NBEA: variants seen among roughly 807,000 people sequenced by gnomAD.
The protein encoded by NBEA is neurobeachin.
NBEA carries 44 observed loss-of-function variants against 343.4 expected under a neutral mutation model. The observed-to-expected ratio is 0.13, with a 90% confidence interval of 0.10 to 0.16. NBEA has a LOEUF of 0.16. NBEA is among the 10% of genes least tolerant of loss of function. NBEA has a pLI of 1.00. For missense variants in NBEA, 2,555 were observed against 3,631.3 expected (o/e 0.70, Z 7.62); for synonymous variants, 1,175 against 1,238.7 (o/e 0.95, Z 1.08).
At chr13:35,191,316 G>C (rs917443086) in intron 30 of NBEA, among the ~76,000 whole-genome samples, 2 of 152,034 alleles carry the variant, frequency 1.3e-5, no homozygotes, top group Admixed American at 6.6e-5. Context: ...ACTCCAAGTA[G>C]GATAAACTCA....
At chr13:35,348,666 G>T (rs914647065) in intron 36 of NBEA, among the ~76,000 whole-genome samples, 4 of 151,460 alleles carry the variant, frequency 2.6e-5, no homozygotes, top group Admixed American at 2.0e-4. Context: ...AATTTAACTG[G>T]GCATCCTATA....
Position 35,581,163 on chromosome 13 carries a change from T to G in NBEA, c.7036-2735T>G, listed in dbSNP as rs151218821. On this transcript the variant is annotated intron_variant, in intron 45 of 58. Transcript: ENST00000379939. ...GTAATGGGATGGCTGGGTCAAATGG[T>G]ATTTCCAGTTCTAGATCCTTGAGGA... 1.8e-4 allele frequency among the ~76,000 whole-genome samples: 28 copies of G among 152,254 alleles called. No individual in the cohort carries two copies. The East Asian group carries it at 5.2e-3, about 28-fold the overall frequency.
chr13:35,240,538 A>G (rs978778294), intron 34 of NBEA, among the ~76,000 whole-genome samples: 12 of 151,964 alleles, frequency 7.9e-5, no homozygotes, highest in Non-Finnish European at 1.8e-4. Context: ...TACCATGGGA[A>G]CTCAATAATC....
At chr13:35,134,090 A>G (rs946700758) in intron 17 of NBEA, among the ~76,000 whole-genome samples, 4 of 152,058 alleles carry the variant, frequency 2.6e-5, no homozygotes, top group African/African-American at 9.6e-5. Context: ...GTATTTTGAA[A>G]GGAATAATTT....
chr13:35,593,282 G>T (rs1203057500), intron 46 of NBEA, 46 bp from the exon 47 acceptor site: 2 of 1,601,204 alleles, frequency 1.2e-6, no homozygotes, highest in Admixed American at 3.4e-5. Context: ...AACGAGGGCA[G>T]CTGTGTTTAG....
intron 1 of NBEA, among the ~76,000 whole-genome samples, chr13:34,945,430 G>C (rs2059157774): frequency 1.3e-5 from 2 of 152,106 alleles, no homozygotes; most frequent in African/African-American, 4.8e-5. Flanking sequence ...TCAAAAATAT[G>C]TGGAAGTCAT....
chr13:35,008,403 G>C (rs916438723), intron 1 of NBEA, among the ~76,000 whole-genome samples: 1 of 151,984 alleles, frequency 6.6e-6, no homozygotes, highest in African/African-American at 2.4e-5. Context: ...ATAATCTCTA[G>C]ATTACTTATA....
At chr13:35,347,678 T>G in intron 36 of NBEA, among the ~76,000 whole-genome samples, 1 of 151,984 alleles carries the variant, frequency 6.6e-6, no homozygotes, top group Non-Finnish European at 1.5e-5. Flanking sequence ...CTCCTCTTCC[T>G]CCTCCTCCTC....
intron 34 of NBEA, among the ~76,000 whole-genome samples, chr13:35,259,736 T>C (rs1180007235): frequency 1.3e-5 from 2 of 152,154 alleles, no homozygotes; most frequent in Non-Finnish European, 2.9e-5. Flanking sequence ...TTTACAAATA[T>C]AGTTAAATGA....
chr13:35,637,782 A>G (rs778441086), intron 49 of NBEA, among the ~76,000 whole-genome samples: 3 of 152,098 alleles, frequency 2.0e-5, no homozygotes, highest in Admixed American at 6.6e-5. Context: ...AGATTGCGCC[A>G]CTGCACTCCA....
intron 41 of NBEA, among the ~76,000 whole-genome samples, chr13:35,544,433 ATCTGTGATTTGACAGTCATTTACATGTT>A (rs1475771122): frequency 6.6e-6 from 1 of 152,218 alleles, no homozygotes; most frequent in Non-Finnish European, 1.5e-5. Context: ...AACTTTTTTC[ATCTGTGATTTGACAGTCATTTACATGTT>A]TCTGACAACA....
In NBEA at chr13:35,171,301, A is replaced by G. The variant is rs538551434; in HGVS notation, c.4272A>G (p.Gln1424=). ...KTELENIEVT[Q]GMSAETAVTF... ...AATTGGAAAATATTGAAGTGACACAAGGCATGTCAGCTGAGACAGCAGTAA... is the reference window on the plus strand; with the variant it reads ...AATTGGAAAATATTGAAGTGACACAGGGCATGTCAGCTGAGACAGCAGTAA... Residue 1424 remains glutamine, a synonymous_variant, in exon 26 of 59, where the codon CAA becomes CAG. Coordinates refer to ENST00000379939, the MANE Select transcript of NBEA (RefSeq NM_001385012.1). 1 of 1,612,118 alleles carries G rather than the reference A, an allele frequency of 6.2e-7. No individual in the cohort carries two copies. The highest frequency in any genetic ancestry group is 1.1e-5 in the South Asian group (1 of 90,932).
chr13:35,179,508 A>C (rs1209883258), intron 28 of NBEA, among the ~76,000 whole-genome samples: 2 of 151,516 alleles, frequency 1.3e-5, no homozygotes, highest in African/African-American at 4.8e-5. Context: ...AATAAGAAGC[A>C]CAACTGACTA....
intron 39 of NBEA, among the ~76,000 whole-genome samples, chr13:35,436,294 T>C (rs890310650): frequency 2.0e-5 from 3 of 152,154 alleles, no homozygotes; most frequent in African/African-American, 7.2e-5. Flanking sequence ...TAGATGTAGA[T>C]TAAGAGTATA....
chr13:35,111,758 G>A (rs1283572804), intron 13 of NBEA, among the ~76,000 whole-genome samples: 2 of 151,656 alleles, frequency 1.3e-5, no homozygotes, highest in Non-Finnish European at 2.9e-5. Context: ...CTGAGAAAGG[G>A]GCTAATGACA....
intron 36 of NBEA, among the ~76,000 whole-genome samples, chr13:35,336,192 C>T (rs1478496005): frequency 6.6e-6 from 1 of 151,922 alleles, no homozygotes; most frequent in Non-Finnish European, 1.5e-5. Flanking sequence ...ATAATGAAAA[C>T]ACCAACAAAT....
At chr13:35,118,312 T>G in intron 15 of NBEA, 22 bp downstream of exon 15, 1 of 1,561,944 alleles carries the variant, frequency 6.4e-7, no homozygotes, top group Non-Finnish European at 8.7e-7. Flanking sequence ...TATGGGCCTT[T>G]TATTTTAATT....
At chr13:35,311,103 G>A (rs1371817512) in intron 36 of NBEA, among the ~76,000 whole-genome samples, 1 of 152,046 alleles carries the variant, frequency 6.6e-6, no homozygotes, top group Non-Finnish European at 1.5e-5. Context: ...GAAAATATCA[G>A]TTTTCTTTTA....
At chr13:35,349,924 A>G (rs2040094135) in intron 37 of NBEA, among the ~76,000 whole-genome samples, 1 of 152,122 alleles carries the variant, frequency 6.6e-6, no homozygotes, top group African/African-American at 2.4e-5. Flanking sequence ...GAAAATAGCC[A>G]CTATCGCTTT....
Sources: gnomAD v4.1 joint callset for allele counts (sites outside exome capture counted in the v4.1 genomes callset) on GRCh38, gnomAD v4.1.1 for gene constraint, MANE v1.5 for transcripts, NCBI Gene and HGNC (gene_info 2026-07-23, HGNC 2026-07-21) for gene names.